The following RPS6KC1 variants were observed in gnomAD, a reference collection of about 807,000 sequenced individuals.
RPS6KC1 encodes the protein inactive ribosomal protein S6 kinase delta-1.
In RPS6KC1, 54 loss-of-function variants were observed where a neutral mutation model predicts 103.8. That is an observed-to-expected ratio of 0.52 (90% confidence interval 0.42 to 0.65). The LOEUF is 0.65. Among genes scored for constraint, RPS6KC1 ranks in the 30% least tolerant of loss-of-function variants. The pLI is 0.00. For missense variants in RPS6KC1, 1,151 were observed against 1,253.8 expected, an observed-to-expected ratio of 0.92 and a Z score of 1.24; for synonymous variants, 439 against 438.7, an observed-to-expected ratio of 1.00 and a Z score of -0.01.
the RPS6KC1 span, among the ~76,000 whole-genome samples, chr1:213,571,670 C>T: frequency 1.3e-5 from 2 of 152,306 alleles, no homozygotes; most frequent in East Asian, 1.9e-4. Context: ...GTTTGTCTGC[C>T]GGACTCCAAA....
At chr1:213,200,431 C>T (rs563206941) in intron 8 of RPS6KC1, among the ~76,000 whole-genome samples, 12 of 152,268 alleles carry the variant, frequency 7.9e-5, no homozygotes, top group Non-Finnish European at 1.6e-4. Context: ...TGGCTAGCCA[C>T]ATGCAGAAGA....
chr1:213,434,009 G>T, the RPS6KC1 span, among the ~76,000 whole-genome samples: 1 of 149,266 alleles, frequency 6.7e-6, no homozygotes, highest in African/African-American at 2.5e-5. Context: ...GTATGTCTAA[G>T]ACATTTTTCC....
chr1:213,068,483 CAAAAAA>C (rs71147057), intron 1 of RPS6KC1, among the ~76,000 whole-genome samples: 3 of 36,350 alleles, frequency 8.3e-5, no homozygotes, highest in East Asian at 1.1e-3. Flanking sequence ...GACTCTGTCT[CAAAAAA>C]AAAAAAAAAA....
chr1:213,481,330 A>G, the RPS6KC1 span, among the ~76,000 whole-genome samples: 2 of 152,246 alleles, frequency 1.3e-5, no homozygotes, highest in African/African-American at 4.8e-5. Context: ...TTGAATTGTA[A>G]TGAGATATTT....
chr1:213,357,636 C>T, the RPS6KC1 span, among the ~76,000 whole-genome samples: 6 of 152,330 alleles, frequency 3.9e-5, no homozygotes, highest in Non-Finnish European at 5.9e-5. Context: ...CACAGTGGTC[C>T]TCTCACTAGG....
chr1:213,248,355 T>G (rs1379985604), intron 12 of RPS6KC1, among the ~76,000 whole-genome samples: 1 of 152,192 alleles, frequency 6.6e-6, no homozygotes, highest in Non-Finnish European at 1.5e-5. Flanking sequence ...AGCTATCTTG[T>G]ACATAGTATT....
At chr1:213,786,198 A>G in the RPS6KC1 span, among the ~76,000 whole-genome samples, 1 of 152,226 alleles carries the variant, frequency 6.6e-6, no homozygotes, top group Non-Finnish European at 1.5e-5. Context: ...GGAGATGAGC[A>G]GGACTGGGAC....
the RPS6KC1 span, among the ~76,000 whole-genome samples, chr1:213,538,262 G>A: frequency 6.6e-6 from 1 of 152,178 alleles, no homozygotes; most frequent in African/African-American, 2.4e-5. Flanking sequence ...GTTAAGTCCT[G>A]GGCCCAGCAT....
the RPS6KC1 span, among the ~76,000 whole-genome samples, chr1:213,770,043 T>C: frequency 1.3e-5 from 2 of 152,182 alleles, no homozygotes; most frequent in Admixed American, 1.3e-4. Context: ...GGTCACCAGC[T>C]ACCACTGCTT....
the RPS6KC1 span, among the ~76,000 whole-genome samples, chr1:213,712,460 G>A: frequency 1.3e-5 from 2 of 152,224 alleles, no homozygotes; most frequent in Non-Finnish European, 2.9e-5. Flanking sequence ...CTCCATGGGG[G>A]TGGGATCCAC....
At chr1:213,699,584 T>C in the RPS6KC1 span, among the ~76,000 whole-genome samples, 1 of 152,164 alleles carries the variant, frequency 6.6e-6, no homozygotes. Context: ...AGCAGTGGGA[T>C]TGCTGGATCA....
chr1:213,514,404 C>T, the RPS6KC1 span, among the ~76,000 whole-genome samples: 5 of 139,364 alleles, frequency 3.6e-5, no homozygotes, highest in Non-Finnish European at 7.7e-5. Flanking sequence ...CAACAGGCCC[C>T]GGTGTGTGAT....
chr1:213,715,466 G>A, the RPS6KC1 span, among the ~76,000 whole-genome samples: 69,804 of 151,988 alleles, frequency 0.46, 16,385 homozygotes, highest in South Asian at 0.57. Context: ...TGACTGATGT[G>A]TCCAAATGCA....
the RPS6KC1 span, among the ~76,000 whole-genome samples, chr1:213,723,261 T>C: frequency 6.6e-6 from 1 of 152,220 alleles, no homozygotes; most frequent in African/African-American, 2.4e-5. Flanking sequence ...ATTCAGACCT[T>C]TGTTCTGAGA....
chr1:213,817,222 A>G, the RPS6KC1 span, among the ~76,000 whole-genome samples: 1 of 152,068 alleles, frequency 6.6e-6, no homozygotes, highest in Non-Finnish European at 1.5e-5. Context: ...CCAAACCCCA[A>G]CGCACGCATA....
At chr1:213,090,089 A>G (rs549634561) in intron 3 of RPS6KC1, among the ~76,000 whole-genome samples, 2 of 152,340 alleles carry the variant, frequency 1.3e-5, no homozygotes, top group Admixed American at 6.5e-5. Context: ...AGAAGTGAGC[A>G]TTAGGATCCA....
At chr1:213,844,104 A>G in the RPS6KC1 span, among the ~76,000 whole-genome samples, 2 of 152,248 alleles carry the variant, frequency 1.3e-5, no homozygotes, top group Non-Finnish European at 2.9e-5. Flanking sequence ...TGATTCATAT[A>G]TGCATTAGGC....
In RPS6KC1 at chr1:213,087,108, CT is replaced by C. The variant is rs199775303; in HGVS notation, c.262+9301del. 9.3e-5 allele frequency among the ~76,000 whole-genome samples: 14 copies of C among 150,678 alleles called. No individual in the cohort carries two copies. The South Asian group carries it at 2.3e-3, about 25-fold the overall frequency. ...GATGTCAGATGATGTTTCACTTTACCTTTTTTTTTACAGATGAAATGGACTT... is the reference window on the plus strand; with the variant it reads ...GATGTCAGATGATGTTTCACTTTACCTTTTTTTTACAGATGAAATGGACTT... On this transcript the variant is annotated intron_variant, in intron 3 of 14. Transcript: ENST00000366960.
At chr1:213,861,930 T>C in the RPS6KC1 span, among the ~76,000 whole-genome samples, 204 of 152,240 alleles carry the variant, frequency 1.3e-3, 6 homozygotes, top group South Asian at 0.041. Flanking sequence ...AGTGCCACCA[T>C]CGCCCTCTTT....
Sources: gnomAD v4.1 joint callset for allele counts (sites outside exome capture counted in the v4.1 genomes callset) on GRCh38, gnomAD v4.1.1 for gene constraint, MANE v1.5 for transcripts, NCBI Gene and HGNC (gene_info 2026-07-23, HGNC 2026-07-21) for gene names.